CEP128: variants seen among roughly 807,000 people sequenced by gnomAD.
The protein encoded by CEP128 is centrosomal protein 128kDa.
CEP128 carries 132 observed loss-of-function variants against 156.7 expected under a neutral mutation model. The ratio of observed to expected loss-of-function variants is 0.84; its 90% CI spans 0.73 to 0.97. The LOEUF (loss-of-function observed/expected upper bound fraction) is 0.97. Ranked by LOEUF, CEP128 falls within the 50% of genes least tolerant of loss-of-function variation. The probability of loss-of-function intolerance (pLI) is 0.00; values close to 1 mark genes in which losing one functional copy is unlikely to be tolerated. For missense variants in CEP128, 1,252 were observed against 1,281.9 expected (o/e 0.98, Z 0.36); for synonymous variants, 469 against 448.9 (o/e 1.04, Z -0.57).
chr14:80,517,750 G>GGCCCTACT (rs1888555698), intron 23 of CEP128, among the ~76,000 whole-genome samples: 1 of 152,156 alleles, frequency 6.6e-6, no homozygotes, highest in Non-Finnish European at 1.5e-5. Context: ...GCCATGCAGT[G>GGCCCTACT]AGTGTTATAG....
Position 80,563,524 on chromosome 14 carries a change from C to CTTTTTTTTTTTT in CEP128, c.2857-4234_2857-4223dup, listed in dbSNP as rs540593415. ...GAAGCCTACCCATGGGCCTCCAAATCTTTTTTTTTTTTTTTTTTTTTTTTT... is the reference window on the plus strand; with the variant it reads ...GAAGCCTACCCATGGGCCTCCAAATCTTTTTTTTTTTTTTTTTTTTTTTTTTTTTTTTTTTTT... On this transcript the variant is annotated intron_variant, in intron 20 of 24. Transcript: ENST00000555265. Among the ~76,000 whole-genome samples the CTTTTTTTTTTTT allele has an allele frequency of 2.6e-3, 204 of 78,876 alleles. 32 individuals carry two copies. Among genetic ancestry groups the CTTTTTTTTTTTT allele is most frequent in the East Asian group, 6.8e-3 (14 of 2,050 alleles). The allele number at this position is 78,876 out of a possible 152,430, so 51.7% of individuals were successfully genotyped here.
chr14:80,666,979 C>G (rs995943516), intron 19 of CEP128, among the ~76,000 whole-genome samples: 1 of 152,158 alleles, frequency 6.6e-6, no homozygotes, highest in East Asian at 1.9e-4. Context: ...TATATAAAAA[C>G]AAGAAGCCAG....
chr14:80,551,506 A>G lies in CEP128; in HGVS notation c.2880+7773T>C, dbSNP rs143715982. On this transcript the variant is annotated intron_variant, in intron 21 of 24. Coordinates refer to ENST00000555265, the MANE Select transcript of CEP128 (RefSeq NM_152446.5). ...TGCTTTATGGTATAAAAAGAGTCTG[A>G]CTTCCTTTCTCAATTCAGTGGAATG... is the stretch of plus-strand genomic sequence containing the variant. Among the ~76,000 whole-genome samples the G allele has an allele frequency of 1.2e-3, 177 of 152,308 alleles. 4 individuals are homozygous for G. The South Asian group carries it at 0.018, about 15-fold the overall frequency.
intron 24 of CEP128, among the ~76,000 whole-genome samples, chr14:80,497,804 A>C (rs1354824440): frequency 6.6e-6 from 1 of 152,224 alleles, no homozygotes; most frequent in Non-Finnish European, 1.5e-5. Flanking sequence ...TATTTGAAGA[A>C]TACCTGAGAG....
chr14:80,790,181 A>G (rs1901630326), intron 14 of CEP128, among the ~76,000 whole-genome samples: 3 of 152,232 alleles, frequency 2.0e-5, no homozygotes, highest in Non-Finnish European at 2.9e-5. Flanking sequence ...AGCTCAATAC[A>G]TAAGCAAGCC....
chr14:80,693,137 A>C (rs1035833962), intron 19 of CEP128, among the ~76,000 whole-genome samples: 1 of 152,186 alleles, frequency 6.6e-6, no homozygotes, highest in East Asian at 1.9e-4. Context: ...CTTTGAAAAA[A>C]GCAGCATCAG....
At chr14:80,900,833 T>C (rs1160017863) in intron 6 of CEP128, among the ~76,000 whole-genome samples, 1 of 152,194 alleles carries the variant, frequency 6.6e-6, no homozygotes, top group Non-Finnish European at 1.5e-5. Context: ...AAAAAAATTG[T>C]TTTTTAAAGC....
At chr14:80,954,129 G>C (rs1886537814) in intron 2 of CEP128, among the ~76,000 whole-genome samples, 1 of 152,090 alleles carries the variant, frequency 6.6e-6, no homozygotes, top group South Asian at 2.1e-4. Flanking sequence ...AATTAGCCGG[G>C]CGTGGTGGCG....
Position 80,695,770 on chromosome 14 carries a change from A to C in CEP128, c.2806+47305T>G, listed in dbSNP as rs141164431. On this transcript the variant is annotated intron_variant, in intron 19 of 24. Coordinates refer to ENST00000555265, the MANE Select transcript of CEP128 (RefSeq NM_152446.5). ...TTCAGGTAATATCAAGTAGTTTGGT[A>C]TTGCTGGTGGTCAAAGTGCCTAGGA... is the stretch of plus-strand genomic sequence containing the variant. 2.8e-4 allele frequency among the ~76,000 whole-genome samples: 43 copies of C among 152,078 alleles called. No homozygotes were observed. The East Asian group carries it at 7.7e-3, about 27-fold the overall frequency.
At chr14:80,726,148 A>G (rs760441369) in intron 19 of CEP128, among the ~76,000 whole-genome samples, 3 of 152,210 alleles carry the variant, frequency 2.0e-5, no homozygotes, top group African/African-American at 7.2e-5. Context: ...TCTGATGACC[A>G]TGACAGCCAT....
upstream of CEP128, chr14:80,945,412 A>G (rs1433942528): frequency 6.6e-6 from 1 of 152,212 alleles, no homozygotes; most frequent in Non-Finnish European, 1.5e-5. Context: ...TAGTGTCATC[A>G]ATGATCTCAT....
chr14:80,802,380 C>T (rs1883922017), intron 13 of CEP128, among the ~76,000 whole-genome samples: 2 of 152,082 alleles, frequency 1.3e-5, no homozygotes, highest in Admixed American at 1.3e-4. Flanking sequence ...AGATCGTGTC[C>T]TCTGCAGGGA....
intron 19 of CEP128, among the ~76,000 whole-genome samples, chr14:80,704,774 T>A (rs1897183029): frequency 6.6e-6 from 1 of 151,118 alleles, no homozygotes; most frequent in Admixed American, 6.6e-5. Flanking sequence ...CCTTCCCTTC[T>A]TCCTTATTGC....
chr14:80,719,945 A>G (rs916236113), intron 19 of CEP128, among the ~76,000 whole-genome samples: 1 of 152,228 alleles, frequency 6.6e-6, no homozygotes, highest in Non-Finnish European at 1.5e-5. Flanking sequence ...ATATGCAAAT[A>G]AAATTATAGT....
chr14:80,505,240 C>G (rs1443270909), intron 23 of CEP128, among the ~76,000 whole-genome samples: 1 of 152,168 alleles, frequency 6.6e-6, no homozygotes, highest in East Asian at 1.9e-4. Context: ...TGACATATTT[C>G]TTTCCAGTCT....
At chr14:80,583,924 A>C (rs1393345352) in intron 19 of CEP128, among the ~76,000 whole-genome samples, 1 of 152,176 alleles carries the variant, frequency 6.6e-6, no homozygotes, top group East Asian at 1.9e-4. Flanking sequence ...ATGAGACTCA[A>C]AGAAATGCAA....
intron 19 of CEP128, among the ~76,000 whole-genome samples, chr14:80,617,836 GT>G: frequency 6.6e-6 from 1 of 152,108 alleles, no homozygotes; most frequent in Non-Finnish European, 1.5e-5. Context: ...CAAAAAGCTT[GT>G]TTTCCTTTTC....
intron 16 of CEP128, among the ~76,000 whole-genome samples, chr14:80,771,385 C>T (rs2139735689): frequency 6.6e-6 from 1 of 152,274 alleles, no homozygotes; most frequent in Non-Finnish European, 1.5e-5. Flanking sequence ...ATTCTCTCAA[C>T]TTCAGTTTCT....
chr14:80,645,127 G>A (rs1894580988), intron 19 of CEP128, among the ~76,000 whole-genome samples: 1 of 152,090 alleles, frequency 6.6e-6, no homozygotes, highest in Non-Finnish European at 1.5e-5. Flanking sequence ...ACTCTAACAA[G>A]TCATAACCAC....
Sources: allele counts gnomAD v4.1 joint callset (sites outside exome capture counted in the v4.1 genomes callset), GRCh38; gene constraint gnomAD v4.1.1; transcripts MANE v1.5; gene names NCBI Gene and HGNC (gene_info 2026-07-23, HGNC 2026-07-21).